DLG5: variants seen among roughly 807,000 people sequenced by gnomAD.
The protein encoded by DLG5 is disks large homolog 5.
Under a neutral mutation model 189.8 loss-of-function variants are expected in DLG5, and 48 were observed. The ratio of observed to expected loss-of-function variants is 0.25; its 90% CI spans 0.20 to 0.32. The LOEUF (loss-of-function observed/expected upper bound fraction) is 0.32, where lower values mean the gene tolerates loss of function less well. Ranked by LOEUF, DLG5 falls within the 10% of genes least tolerant of loss-of-function variation. The probability of loss-of-function intolerance (pLI) is 1.00; values close to 1 mark genes in which losing one functional copy is unlikely to be tolerated. For synonymous variants in DLG5, 1,016 were observed against 1,054.1 expected (o/e 0.96, Z 0.70); for missense variants, 2,160 against 2,544.7 (o/e 0.85, Z 3.25).
intron 15 of DLG5, chr10:77,820,649 G>A (rs1012061502): frequency 4.9e-6 from 1 of 203,276 alleles, no homozygotes; most frequent in African/African-American, 2.3e-5. Context: ...GAGCAGTGTG[G>A]ACTGGTGCCT....
At chr10:77,804,197 T>G (rs540778475) in intron 27 of DLG5, among the ~76,000 whole-genome samples, 3 of 152,282 alleles carry the variant, frequency 2.0e-5, no homozygotes, top group East Asian at 3.9e-4. Flanking sequence ...TGGCCTAAAC[T>G]TTTTCTATAA....
chr10:77,931,075 C>T (rs1199573316), upstream of DLG5, among the ~76,000 whole-genome samples: 1 of 152,052 alleles, frequency 6.6e-6, no homozygotes, highest in Non-Finnish European at 1.5e-5. Context: ...CCTCCTCGGC[C>T]TCCCAAAGTG....
chr10:77,796,347 G>GC lies in DLG5; in HGVS notation c.5308+103dup, dbSNP rs1233137146. On this transcript the variant is annotated intron_variant, in intron 28 of 31. Coordinates refer to ENST00000372391, the MANE Select transcript of DLG5 (RefSeq NM_004747.4). This position sits in a 1 kb window ranked among gnomAD's most constrained non-coding sequence, Gnocchi z 5.2. ...AGGCTTCTGGAACACTGTGAAATCT[G>GC]CCCCCCGGTACTGCCACCCACTGTG... 28 of 1,587,686 alleles carry GC rather than the reference G, an allele frequency of 1.8e-5. No homozygotes were observed. The highest frequency in any genetic ancestry group is 3.4e-5 in the South Asian group (3 of 88,120).
the DLG5 span, among the ~76,000 whole-genome samples, chr10:77,937,279 T>C: frequency 6.6e-6 from 1 of 152,112 alleles, no homozygotes; most frequent in Non-Finnish European, 1.5e-5. Context: ...TCCAAACTCC[T>C]CTCATTCTCT....
chr10:77,828,206 C>T (rs1842732897), intron 13 of DLG5, among the ~76,000 whole-genome samples: 1 of 152,110 alleles, frequency 6.6e-6, no homozygotes, highest in East Asian at 1.9e-4. Context: ...GTTAATAAAG[C>T]TGGGTGCTGT....
chr10:77,939,767 G>C, the DLG5 span, among the ~76,000 whole-genome samples: 1 of 152,198 alleles, frequency 6.6e-6, no homozygotes, highest in Admixed American at 6.5e-5. Context: ...CTTTACTGGA[G>C]GAGTTCCTTG....
chr10:77,846,231 G>A (rs1183581797), intron 5 of DLG5, among the ~76,000 whole-genome samples: 2 of 152,052 alleles, frequency 1.3e-5, no homozygotes, highest in African/African-American at 4.8e-5. Context: ...GGTGACAAGC[G>A]CGAGACTTCG....
rs922264536 is a variant in DLG5 at position 77,926,609 on chromosome 10, C to G, written c.-89G>C. ...GGCAGGCGAGCACCTCGGCAGCAGC[C>G]CTAGGGCGCCGGGAGCCGTGAGGCG... On this transcript the variant is annotated 5_prime_UTR_variant, in exon 1 of 32. Transcript: ENST00000372391. The surrounding 1 kb of genome is among the most constrained non-coding windows in gnomAD (Gnocchi z 5.2). 673 of 1,056,766 alleles carry G rather than the reference C, an allele frequency of 6.4e-4. 1 individual carries two copies. The highest frequency in any genetic ancestry group is 7.5e-4 in the Non-Finnish European group (645 of 857,732). 65.5% of individuals were successfully genotyped at this position (1,056,766 alleles called of 1,614,324 possible). A position where few individuals can be genotyped will look rare whatever the true frequency, so the allele number is the denominator to read the frequency against.
intron 27 of DLG5, among the ~76,000 whole-genome samples, chr10:77,803,803 CAA>C (rs1002512798): frequency 2.7e-5 from 4 of 149,416 alleles, no homozygotes; most frequent in African/African-American, 9.9e-5. Flanking sequence ...GCAGAGGGCA[CAA>C]GAGTGGAGGC....
chr10:77,795,661 C>T (rs796161687), intron 29 of DLG5, among the ~76,000 whole-genome samples: 13 of 152,194 alleles, frequency 8.5e-5, no homozygotes, highest in African/African-American at 3.1e-4. Flanking sequence ...CTTTTAGGGG[C>T]AGGGACCCTG....
At chr10:77,910,089 G>A (rs981496631) in intron 1 of DLG5, among the ~76,000 whole-genome samples, 1 of 152,108 alleles carries the variant, frequency 6.6e-6, no homozygotes, top group Non-Finnish European at 1.5e-5. Flanking sequence ...TAGATATCAC[G>A]TCCTACGTCT....
At chr10:77,814,767 G>A (rs916344217) in intron 20 of DLG5, among the ~76,000 whole-genome samples, 3 of 151,802 alleles carry the variant, frequency 2.0e-5, no homozygotes, top group African/African-American at 7.3e-5. Context: ...TAGAGACGGG[G>A]TTTCACCATG....
intron 1 of DLG5, among the ~76,000 whole-genome samples, chr10:77,899,562 A>C (rs1845864063): frequency 6.6e-6 from 1 of 152,202 alleles, no homozygotes; most frequent in East Asian, 1.9e-4. Context: ...ATGAGTGGTC[A>C]ACAAATGCTT....
At chr10:77,793,955 C>T (rs1840771885) in intron 31 of DLG5, 53 bp downstream of exon 31, 1 of 1,513,488 alleles carries the variant, frequency 6.6e-7, no homozygotes, top group Non-Finnish European at 9.2e-7. Context: ...CTTAGGAAGC[C>T]TCTGCTTCCT....
At chr10:77,932,084 C>G in the DLG5 span, among the ~76,000 whole-genome samples, 1 of 152,236 alleles carries the variant, frequency 6.6e-6, no homozygotes, top group African/African-American at 2.4e-5. Flanking sequence ...AAACCTCCAT[C>G]TGCCTCGTTT....
intron 5 of DLG5, among the ~76,000 whole-genome samples, chr10:77,848,307 A>G (rs1220056433): frequency 6.6e-6 from 1 of 152,158 alleles, no homozygotes; most frequent in Non-Finnish European, 1.5e-5. Flanking sequence ...AGGCCCATCA[A>G]AGGGCATTCA....
chr10:77,848,585 T>C (rs1843805523), intron 5 of DLG5, among the ~76,000 whole-genome samples: 1 of 151,868 alleles, frequency 6.6e-6, no homozygotes, highest in Non-Finnish European at 1.5e-5. Flanking sequence ...TGGGAAGATG[T>C]TGACCACCAA....
intron 1 of DLG5, among the ~76,000 whole-genome samples, chr10:77,892,408 G>A (rs1357185315): frequency 6.6e-6 from 1 of 152,176 alleles, no homozygotes; most frequent in Non-Finnish European, 1.5e-5. Flanking sequence ...TCTGACTTGG[G>A]AGCACTTTCA....
chr10:77,816,542 C>T lies in DLG5; in HGVS notation c.4025+9G>A, dbSNP rs1354957086. The T allele has an allele frequency of 6.2e-7, 1 of 1,614,024 alleles. No homozygotes were observed. The highest frequency in any genetic ancestry group is 1.1e-5 in the South Asian group (1 of 91,070). On this transcript the variant is annotated intron_variant, in intron 20 of 31. Coordinates refer to ENST00000372391, the MANE Select transcript of DLG5 (RefSeq NM_004747.4). ...TTTACCCACTCCACCGATGACCGGC[C>T]ATGCTCACCTGTCCTTTCTCCGCTC...
Sources: gnomAD v4.1 joint callset for allele counts (sites outside exome capture counted in the v4.1 genomes callset) on GRCh38, gnomAD v4.1.1 for gene constraint, Gnocchi (gnomAD v3.1) non-coding constraint, MANE v1.5 for transcripts, NCBI Gene and HGNC (gene_info 2026-07-23, HGNC 2026-07-21) for gene names.